The following SNX24 variants were observed in gnomAD, a reference collection of about 807,000 sequenced individuals.
SNX24 encodes sorting nexin 24, also known as sorting nexin-24.
A neutral mutation model predicts 28.7 loss-of-function variants in SNX24; 22 were observed. The ratio of observed to expected loss-of-function variants is 0.77; its 90% CI spans 0.55 to 1.10. The LOEUF is 1.10. Ranked by LOEUF, SNX24 falls within the 50% of genes least tolerant of loss-of-function variation. The pLI, the probability that SNX24 is intolerant of heterozygous loss-of-function variation, is 0.00. For synonymous variants in SNX24, 69 were observed against 71.5 expected (o/e 0.96, Z 0.18); for missense variants, 221 against 201.1 (o/e 1.10, Z -0.60).
intron 1 of SNX24, among the ~76,000 whole-genome samples, chr5:122,872,413 C>T (rs755279102): frequency 6.6e-6 from 1 of 152,006 alleles, no homozygotes; most frequent in Non-Finnish European, 1.5e-5. Context: ...CCTACTTTCT[C>T]CGTTTATAAA....
At chr5:122,985,713 G>A (rs945953436) in intron 3 of SNX24, among the ~76,000 whole-genome samples, 7 of 152,204 alleles carry the variant, frequency 4.6e-5, no homozygotes. Flanking sequence ...TGTTGCGGTG[G>A]CATCTATTGC....
rs149271684 is a variant in SNX24 at position 122,908,797 on chromosome 5, G to A, written c.61-27937G>A. ...AGGACTGTTTCTATGTCCTGATAGG[G>A]GAAGATCGTCAGGGTCCTCTGCTGA... On this transcript the variant is annotated intron_variant, in intron 1 of 6. Coordinates refer to ENST00000261369, the MANE Select transcript of SNX24 (RefSeq NM_014035.4). Among the ~76,000 whole-genome samples the A allele has an allele frequency of 3.2e-3, 488 of 152,300 alleles. 11 individuals carry two copies. Among genetic ancestry groups the A allele is most frequent in the Admixed American group, 0.026 (405 of 15,300 alleles).
intron 5 of SNX24, among the ~76,000 whole-genome samples, chr5:123,015,776 C>G (rs988351687): frequency 1.6e-4 from 24 of 152,082 alleles, no homozygotes; most frequent in African/African-American, 5.8e-4. Context: ...AAAAAAAACA[C>G]CTCAATACTT....
intron 3 of SNX24, among the ~76,000 whole-genome samples, chr5:122,946,935 C>A (rs115964659): frequency 2.8e-3 from 420 of 152,298 alleles, no homozygotes; most frequent in Non-Finnish European, 4.7e-3. Flanking sequence ...CTGCCACTAA[C>A]CCATCTTGGT....
At chr5:122,988,207 A>G (rs1021993933) in intron 3 of SNX24, among the ~76,000 whole-genome samples, 3 of 152,014 alleles carry the variant, frequency 2.0e-5, no homozygotes, top group African/African-American at 7.2e-5. Flanking sequence ...TGTTTTTAGG[A>G]GTACCTTTGT....
At chr5:122,913,238 C>G (rs1258835901) in intron 1 of SNX24, among the ~76,000 whole-genome samples, 1 of 152,248 alleles carries the variant, frequency 6.6e-6, no homozygotes. Flanking sequence ...GTACACCTCC[C>G]AGATGGGGTG....
chr5:122,963,599 T>C (rs1295889229), intron 3 of SNX24, among the ~76,000 whole-genome samples: 3 of 152,190 alleles, frequency 2.0e-5, no homozygotes, highest in Admixed American at 2.0e-4. Context: ...TCAGAGAAGA[T>C]TTTAGGAAGG....
At chr5:122,859,436 C>T (rs865819802) in intron 1 of SNX24, among the ~76,000 whole-genome samples, 34 of 151,926 alleles carry the variant, frequency 2.2e-4, no homozygotes, top group African/African-American at 8.2e-4. Flanking sequence ...GAGAACTCAC[C>T]GTACAAATAA....
chr5:122,850,177 A>C (rs925350631), intron 1 of SNX24, among the ~76,000 whole-genome samples: 4 of 152,254 alleles, frequency 2.6e-5, no homozygotes, highest in African/African-American at 9.6e-5. Context: ...TATAAACCAC[A>C]GAAATTTATT....
Position 123,009,145 on chromosome 5 carries a change from T to G in SNX24, c.*1396T>G. The G allele has an allele frequency of 1.0e-6, 1 of 984,962 alleles. No individual in the cohort carries two copies. The highest frequency in any genetic ancestry group is 5.2e-4 in the Middle Eastern group (1 of 1,912). The allele number at this position is 984,962 out of a possible 1,614,324, so 61.0% of individuals were successfully genotyped here. On this transcript the variant is annotated 3_prime_UTR_variant, in exon 7 of 7. Transcript: ENST00000261369. The stretch of plus-strand genomic sequence containing the variant: ...AAAGTAATAGTTGGGTATTGGAGAT[T>G]TTTTTAAAATGTTTTTATGTTATTA...
chr5:123,012,757 G>A (rs1762612917), downstream of SNX24, among the ~76,000 whole-genome samples: 1 of 152,226 alleles, frequency 6.6e-6, no homozygotes, highest in African/African-American at 2.4e-5. Context: ...TGTCGTGGGT[G>A]CAGGAGAGCT....
chr5:122,971,987 G>A (rs1428547404), intron 3 of SNX24, among the ~76,000 whole-genome samples: 3 of 152,178 alleles, frequency 2.0e-5, no homozygotes, highest in Non-Finnish European at 2.9e-5. Context: ...TTAAATCACA[G>A]GGCATGGTAA....
chr5:122,870,884 G>T (rs1561529152), intron 1 of SNX24, among the ~76,000 whole-genome samples: 2 of 152,162 alleles, frequency 1.3e-5, no homozygotes, highest in Admixed American at 1.3e-4. Context: ...GCAAAGGAGG[G>T]TTTGGGCTTC....
At chr5:123,026,039 C>T in intron 5 of SNX24, 1 of 1,338,752 alleles carries the variant, frequency 7.5e-7, no homozygotes, top group East Asian at 2.5e-5. Context: ...AAACATAAGG[C>T]CTTAGAGGAA....
At chr5:123,014,525 G>C (rs1410927908) in intron 5 of SNX24, among the ~76,000 whole-genome samples, 1 of 151,820 alleles carries the variant, frequency 6.6e-6, no homozygotes, top group African/African-American at 2.4e-5. Context: ...TATTGCAATA[G>C]CTGCTAATAT....
Position 122,878,832 on chromosome 5 carries a change from C to T in SNX24, c.60+33139C>T, listed in dbSNP as rs374758478. Among the ~76,000 whole-genome samples, 187 of 151,682 alleles carry T rather than the reference C, an allele frequency of 1.2e-3. 3 individuals are homozygous for T. Among genetic ancestry groups the T allele is most frequent in the African/African-American group, 4.3e-3 (179 of 41,374 alleles). On this transcript the variant is annotated intron_variant, in intron 1 of 6. Transcript: ENST00000261369. Reference sequence around the variant, plus strand: ...TACAAAATAAGAATAAAAAATTAGCCGAGTGTGGTGGTACACAGCTGTAAT... The same window carrying T: ...TACAAAATAAGAATAAAAAATTAGCTGAGTGTGGTGGTACACAGCTGTAAT...
intron 1 of SNX24, among the ~76,000 whole-genome samples, chr5:122,890,257 A>G (rs934037389): frequency 3.9e-5 from 6 of 152,118 alleles, no homozygotes; most frequent in African/African-American, 1.2e-4. Flanking sequence ...TCTGTTGTCT[A>G]TGATGGTTTT....
At chr5:122,947,715 A>T (rs770999178) in intron 3 of SNX24, among the ~76,000 whole-genome samples, 1 of 152,202 alleles carries the variant, frequency 6.6e-6, no homozygotes, top group Non-Finnish European at 1.5e-5. Context: ...TAGACTTCAG[A>T]AATTGTATGC....
chr5:123,020,892 T>C lies in SNX24; in HGVS notation n.384-8346T>C, dbSNP rs1485224829. ...CCCAATCATTCTGGAAGTCCAATGATGGCTCATTCACATGACTGAGGTCCA... is the reference window on the plus strand; with the variant it reads ...CCCAATCATTCTGGAAGTCCAATGACGGCTCATTCACATGACTGAGGTCCA... On this transcript the variant is annotated intron_variant and non_coding_transcript_variant, in intron 5 of 5. Coordinates refer to the SNX24 transcript ENST00000502387. Among the ~76,000 whole-genome samples the C allele has an allele frequency of 3.3e-5, 5 of 152,210 alleles. 1 individual carries two copies. Among genetic ancestry groups the C allele is most frequent in the Admixed American group, 2.0e-4 (3 of 15,288 alleles).
Sources: gnomAD v4.1 joint callset for allele counts (sites outside exome capture counted in the v4.1 genomes callset) on GRCh38, gnomAD v4.1.1 for gene constraint, MANE v1.5 for transcripts, NCBI Gene and HGNC (gene_info 2026-07-23, HGNC 2026-07-21) for gene names.